ABL1: variants seen among roughly 807,000 people sequenced by gnomAD.
ABL1 encodes the protein ABL proto-oncogene 1, non-receptor tyrosine kinase.
In ABL1, 11 loss-of-function variants were observed where a neutral mutation model predicts 94.7. The ratio of observed to expected loss-of-function variants is 0.12; its 90% CI spans 0.07 to 0.19. The LOEUF is 0.19. Ranked by LOEUF, ABL1 falls within the 10% of genes least tolerant of loss-of-function variation. The probability of loss-of-function intolerance (pLI) is 1.00; values close to 1 mark genes in which losing one functional copy is unlikely to be tolerated. For missense variants in ABL1, 1,082 were observed against 1,489.4 expected (o/e 0.73, Z 4.50); for synonymous variants, 656 against 622.4 (o/e 1.05, Z -0.80).
intron 1 of ABL1, among the ~76,000 whole-genome samples, chr9:130,851,496 G>A (rs1051848520): frequency 2.0e-5 from 3 of 152,114 alleles, no homozygotes; most frequent in Non-Finnish European, 2.9e-5. Context: ...AGATGTTTTA[G>A]AGCACATTCA....
In ABL1 at chr9:130,714,357, G is replaced by A; in HGVS notation, c.38G>A (p.Arg13Lys). Residue 13 changes from arginine (R) to lysine (K), a missense_variant, in exon 1 of 11, where the codon AGA becomes AAA. Coordinates refer to the ABL1 transcript ENST00000372348. ...CCTGGAAAAGTACTTGGGGACCAAA[G>A]AAGGCCAAGCTTGCCTGCCCTGCAT... The A allele has an allele frequency of 6.2e-6, 10 of 1,613,272 alleles. No individual in the cohort carries two copies. The highest frequency in any genetic ancestry group is 8.5e-6 in the Non-Finnish European group (10 of 1,179,472).
chr9:130,776,856 C>T (rs1186761598), intron 1 of ABL1, among the ~76,000 whole-genome samples: 3 of 152,096 alleles, frequency 2.0e-5, no homozygotes, highest in Non-Finnish European at 4.4e-5. Context: ...CCTCCCAGAG[C>T]GCTGGGGATA....
intron 1 of ABL1, among the ~76,000 whole-genome samples, chr9:130,847,598 G>A (rs1254655388): frequency 6.6e-6 from 1 of 152,196 alleles, no homozygotes; most frequent in Non-Finnish European, 1.5e-5. Context: ...CATCAGCCTG[G>A]ATTGGGAATT....
At position 130,854,750 on chromosome 9, in the gene ABL1, C is replaced by T. The variant is rs772948197; in HGVS notation, c.254-51C>T. The T allele has an allele frequency of 2.2e-5, 34 of 1,542,264 alleles. No individual in the cohort carries two copies. The East Asian group carries it at 5.7e-4, about 26-fold the overall frequency. ...TTACACAAGAATCAATGAAAAAGAA[C>T]GAAGCTGGTTTCCAAAGCTGATATG... On this transcript the variant is annotated intron_variant, in intron 2 of 10. Transcript: ENST00000318560.
chr9:130,727,369 ATC>A (rs1420161532), intron 1 of ABL1, among the ~76,000 whole-genome samples: 3 of 151,886 alleles, frequency 2.0e-5, no homozygotes. Flanking sequence ...GCCTGGCGGT[ATC>A]TCTCTTTTTT....
At chr9:130,742,861 G>A (rs1255721058) in intron 1 of ABL1, among the ~76,000 whole-genome samples, 5 of 151,818 alleles carry the variant, frequency 3.3e-5, no homozygotes, top group South Asian at 4.2e-4. Flanking sequence ...GTATAATACC[G>A]TATATTATAA....
Position 130,728,230 on chromosome 9 carries a change from ATTTT to A in ABL1, c.136+13790_136+13793del, listed in dbSNP as rs55915035. 5.8e-5 allele frequency among the ~76,000 whole-genome samples: 6 copies of A among 102,632 alleles called. 1 individual carries two copies. The East Asian group carries it at 1.8e-3, about 31-fold the overall frequency. The allele number at this position is 102,632 out of a possible 152,430, so 67.3% of individuals were successfully genotyped here. On this transcript the variant is annotated intron_variant, in intron 1 of 10. Coordinates refer to the ABL1 transcript ENST00000372348. Reference sequence around the variant, plus strand: ...GGGCATGCGCCACCATGTCCAGCTGATTTTTTTTTTTTTTTTTTGTGGAGACGGG... The same window carrying A: ...GGGCATGCGCCACCATGTCCAGCTGATTTTTTTTTTTTTTGTGGAGACGGG...
At position 130,835,929 on chromosome 9, in the gene ABL1, CT is replaced by C. The variant is rs1404640784; in HGVS notation, c.79+406del. Reference sequence around the variant, plus strand: ...GTTTGAGAAAGCCAACTCGCCAGGCCTTAACATCCCTGGGATCCCACGTTGT... The same window carrying C: ...GTTTGAGAAAGCCAACTCGCCAGGCCTAACATCCCTGGGATCCCACGTTGT... On this transcript the variant is annotated intron_variant, in intron 1 of 10. Transcript: ENST00000318560. The surrounding 1 kb of genome is among the most constrained non-coding windows in gnomAD (Gnocchi z 4.6). 6.6e-6 allele frequency among the ~76,000 whole-genome samples: 1 copy of C among 152,234 alleles called. No individual in the cohort carries two copies. The highest frequency in any genetic ancestry group is 1.9e-4 in the East Asian group (1 of 5,174).
Position 130,783,638 on chromosome 9 carries a change from TTTTGTTTG to T in ABL1, c.136+69199_136+69206del, listed in dbSNP as rs374215786. 3.3e-3 allele frequency among the ~76,000 whole-genome samples: 509 copies of T among 152,086 alleles called. 4 individuals carry two copies. The highest frequency in any genetic ancestry group is 0.011 in the African/African-American group (477 of 41,504). ...CACTGTGGAAGTTTGTGCATGTGTT[TTTTGTTTG>T]TTTGTTTGTTTGTTTTTTGTTTTTT... On this transcript the variant is annotated intron_variant, in intron 1 of 10. Coordinates refer to the ABL1 transcript ENST00000372348.
upstream of ABL1, chr9:130,833,928 T>C (rs1830524763): frequency 1.4e-5 from 6 of 436,510 alleles, no homozygotes. Flanking sequence ...ATGACAATGC[T>C]AGTTATTTGA....
At chr9:130,780,008 G>A (rs949332272) in intron 1 of ABL1, among the ~76,000 whole-genome samples, 11 of 152,184 alleles carry the variant, frequency 7.2e-5, no homozygotes, top group African/African-American at 1.2e-4. Context: ...GCCCTGGGCC[G>A]GGCGCGGTGG....
intron 1 of ABL1, among the ~76,000 whole-genome samples, chr9:130,797,236 G>GGAAA (rs1491324780): frequency 9.1e-5 from 5 of 55,168 alleles, no homozygotes; most frequent in African/African-American, 3.0e-4. Context: ...ACTCCATCTC[G>GGAAA]AAAAAAAAAA....
At chr9:130,725,827 T>TTTTTTTTTTTTTTTG (rs1564269465) in intron 1 of ABL1, among the ~76,000 whole-genome samples, 2 of 74,780 alleles carry the variant, frequency 2.7e-5, no homozygotes, top group African/African-American at 1.9e-4. Context: ...TATGGTGGTT[T>TTTTTTTTTTTTTTTG]TTTTTTTTTT....
chr9:130,884,024 T>A lies in ABL1; in HGVS notation c.1734T>A (p.Gly578=). 1 of 1,613,584 alleles carries A rather than the reference T, an allele frequency of 6.2e-7. No individual in the cohort carries two copies. The highest frequency in any genetic ancestry group is 8.5e-7 in the Non-Finnish European group (1 of 1,179,994). ...CATTGCTCCCTCGAAAAGAGCGAGG[T>A]CCCCCGGAGGGCGGCCTGAATGAAG... ...VSPLLPRKER[G]PPEGGLNEDE... Residue 578 remains glycine, a synonymous_variant, in exon 11 of 11, where the codon GGT becomes GGA. Coordinates refer to ENST00000318560, the MANE Select transcript of ABL1 (RefSeq NM_005157.6). This position sits in a 1 kb window ranked among gnomAD's most constrained non-coding sequence, Gnocchi z 5.6.
chr9:130,859,208 C>T (rs574914806), intron 3 of ABL1, among the ~76,000 whole-genome samples: 2 of 152,336 alleles, frequency 1.3e-5, no homozygotes, highest in South Asian at 4.1e-4. Flanking sequence ...TGAGATGCCC[C>T]TGTCACGTTC....
At position 130,863,017 on chromosome 9, in the gene ABL1, G is replaced by A. The variant is rs1053187583; in HGVS notation, c.804G>A (p.Val268=). Residue 268 remains valine (V), a synonymous_variant, in exon 4 of 11, where the codon GTG becomes GTA. Transcript: ENST00000318560. The surrounding 1 kb of genome is among the most constrained non-coding windows in gnomAD (Gnocchi z 4.3). ...TGTGGAAGAAATACAGCCTGACGGT[G>A]GCCGTGAAGACCTTGAAGGTAGGCT... is the stretch of plus-strand genomic sequence containing the variant. ...EGVWKKYSLT[V]AVKTLKEDTM... 1.2e-6 allele frequency: 2 copies of A among 1,607,194 alleles called. No individual in the cohort carries two copies. Among genetic ancestry groups the A allele is most frequent in the South Asian group, 1.1e-5 (1 of 90,312 alleles).
chr9:130,735,218 T>TG (rs1402262281), intron 1 of ABL1, among the ~76,000 whole-genome samples: 1 of 151,916 alleles, frequency 6.6e-6, no homozygotes, highest in Non-Finnish European at 1.5e-5. Context: ...TTAGTAGCGA[T>TG]GGGGTTTCAC....
At chr9:130,857,548 C>T (rs1035807460) in intron 3 of ABL1, among the ~76,000 whole-genome samples, 3 of 151,832 alleles carry the variant, frequency 2.0e-5, no homozygotes, top group African/African-American at 7.3e-5. Flanking sequence ...TCTGTCTATC[C>T]GTATGCCAGT....
intron 1 of ABL1, among the ~76,000 whole-genome samples, chr9:130,750,647 T>TTTC (rs1554759913): frequency 3.2e-5 from 4 of 123,234 alleles, no homozygotes; most frequent in Non-Finnish European, 6.9e-5. Flanking sequence ...TTTCTTTCTT[T>TTTC]TTTTTTTTTT....
Sources: allele counts gnomAD v4.1 joint callset (sites outside exome capture counted in the v4.1 genomes callset), GRCh38; gene constraint gnomAD v4.1.1; non-coding constraint Gnocchi (gnomAD v3.1); transcripts MANE v1.5; gene names NCBI Gene and HGNC (gene_info 2026-07-23, HGNC 2026-07-21).